The following SLCO1B3 variants were observed in gnomAD, a reference collection of about 807,000 sequenced individuals.
SLCO1B3 encodes the protein liver-specific organic anion transporter 2.
Under a neutral mutation model 71.8 loss-of-function variants are expected in SLCO1B3, and 72 were observed. The observed-to-expected ratio is 1.00, with a 90% CI of 0.83 to 1.22. SLCO1B3 has a LOEUF of 1.22. SLCO1B3 is among the 50% of genes most tolerant of loss of function. The pLI, the probability that SLCO1B3 is intolerant of heterozygous loss-of-function variation, is 0.00. For missense variants in SLCO1B3, 911 were observed against 819.7 expected (o/e 1.11, Z -1.36); for synonymous variants, 298 against 278.4 (o/e 1.07, Z -0.70).
At chr12:20,824,061 A>G (rs1333249469) in intron 3 of SLCO1B3, among the ~76,000 whole-genome samples, 1 of 152,218 alleles carries the variant, frequency 6.6e-6, no homozygotes, top group Non-Finnish European at 1.5e-5. Context: ...ATACTCTCAA[A>G]ATAGTTTTCA....
chr12:20,868,943 A>C (rs1468352792), intron 8 of SLCO1B3, among the ~76,000 whole-genome samples: 1 of 152,098 alleles, frequency 6.6e-6, no homozygotes, highest in Non-Finnish European at 1.5e-5. Flanking sequence ...AGAGACTTTT[A>C]GTACTTTCAC....
chr12:20,867,011 G>A (rs1349580893), intron 8 of SLCO1B3, among the ~76,000 whole-genome samples: 3 of 152,132 alleles, frequency 2.0e-5, no homozygotes, highest in African/African-American at 7.2e-5. Context: ...CCTGAAGACA[G>A]GAAGTACCTT....
chr12:20,830,589 G>C (rs2121128099), intron 3 of SLCO1B3, among the ~76,000 whole-genome samples: 1 of 152,222 alleles, frequency 6.6e-6, no homozygotes, highest in East Asian at 1.9e-4. Flanking sequence ...ACCTGCTTAG[G>C]AACAAAAGAA....
chr12:20,827,703 C>G (rs1232968213), intron 3 of SLCO1B3, among the ~76,000 whole-genome samples: 2 of 152,094 alleles, frequency 1.3e-5, no homozygotes, highest in African/African-American at 2.4e-5. Flanking sequence ...TCCCGAGTAG[C>G]TGGGACTGCA....
At chr12:20,847,252 GA>G (rs2121195234) in intron 3 of SLCO1B3, among the ~76,000 whole-genome samples, 1 of 152,128 alleles carries the variant, frequency 6.6e-6, no homozygotes, top group South Asian at 2.1e-4. Context: ...AAATTTATAA[GA>G]AAAGAGTTAT....
intron 3 of SLCO1B3, among the ~76,000 whole-genome samples, chr12:20,829,744 G>A (rs1864500792): frequency 1.3e-5 from 2 of 152,170 alleles, no homozygotes; most frequent in African/African-American, 4.8e-5. Context: ...GCAGCCCCGA[G>A]GGCTGCTGGT....
chr12:20,827,851 A>T (rs1030013446), intron 3 of SLCO1B3, among the ~76,000 whole-genome samples: 3 of 152,296 alleles, frequency 2.0e-5, no homozygotes, highest in Admixed American at 6.5e-5. Context: ...TACAGGTGTG[A>T]GCCACGGTGC....
intron 5 of SLCO1B3, among the ~76,000 whole-genome samples, chr12:20,859,953 C>CTTTTTT (rs768328762): frequency 1.1e-3 from 131 of 117,978 alleles, no homozygotes; most frequent in Non-Finnish European, 1.7e-3. Context: ...CTGATCATTT[C>CTTTTTT]TTTTTTTTTT....
chr12:20,914,193 G>A (rs1171344801), intron 15 of SLCO1B3, among the ~76,000 whole-genome samples: 1 of 151,912 alleles, frequency 6.6e-6, no homozygotes, highest in Non-Finnish European at 1.5e-5. Flanking sequence ...TCCTATTTTT[G>A]TATTCCACTC....
rs900958563 is a variant in SLCO1B3, at chr12:20,916,175, T to C, written c.2037T>C (p.His679=). ...TAGAATTCTTAAATAATGGTGAACA[T>C]TTTGTACCTTCTGCTGGAACAGATA... The part of the protein sequence containing the change: ...ANLEFLNNGE[H]FVPSAGTDSK... The change falls in exon 16 of 16, where the codon CAT becomes CAC. Residue 679 remains histidine (H), a synonymous_variant. Transcript: ENST00000381545. The C allele has an allele frequency of 1.2e-6, 2 of 1,612,478 alleles. No individual in the cohort carries two copies. The highest frequency in any genetic ancestry group is 2.2e-5 in the East Asian group (1 of 44,734).
At chr12:20,901,080 A>C (rs942278098) in intron 14 of SLCO1B3, among the ~76,000 whole-genome samples, 2 of 152,160 alleles carry the variant, frequency 1.3e-5, no homozygotes, top group African/African-American at 4.8e-5. Context: ...TATTGTAGGA[A>C]GAACAGAGTA....
chr12:20,901,426 A>C lies in SLCO1B3; in HGVS notation c.1824A>C (p.Gly608=). The change falls in exon 15 of 16, where the codon GGA becomes GGC. Residue 608 remains glycine (G), a synonymous_variant. Transcript: ENST00000381545. ...TCMKWSTNSC[G]AQGACRIYNS... is the part of the protein sequence containing the mutation. ...TGAAGTGGTCCACCAACAGCTGTGG[A>C]GCACAAGGGGCTTGTAGGATATATA... 6.3e-7 allele frequency: 1 copy of C among 1,578,524 alleles called. No homozygotes were observed. Among genetic ancestry groups the C allele is most frequent in the South Asian group, 1.2e-5 (1 of 82,438 alleles).
rs754862840 is a variant in SLCO1B3, at chr12:20,855,081, CATT to C, written c.141_143del (p.Ile47del). 132 of 1,611,546 alleles carry C rather than the reference CATT, an allele frequency of 8.2e-5. No individual in the cohort carries two copies. Among genetic ancestry groups the C allele is most frequent in the Middle Eastern group, 2.0e-4 (1 of 5,096 alleles). On this transcript the variant is annotated inframe_deletion, in exon 4 of 16. Coordinates refer to ENST00000381545, the MANE Select transcript of SLCO1B3 (RefSeq NM_019844.4). ...ATATTGCTAAAGCACTAGGTGGAAT[CATT>C]ATGAAAATTTCCATCACTCAAATAG...
At chr12:20,841,818 A>G (rs1864810135) in intron 3 of SLCO1B3, among the ~76,000 whole-genome samples, 1 of 150,904 alleles carries the variant, frequency 6.6e-6, no homozygotes, top group African/African-American at 2.4e-5. Flanking sequence ...CGAATATATC[A>G]TCAGTTTTTG....
chr12:20,818,984 G>A (rs532200618), intron 3 of SLCO1B3, among the ~76,000 whole-genome samples: 78 of 150,186 alleles, frequency 5.2e-4, no homozygotes, highest in South Asian at 1.3e-3. Context: ...AAGTATATGC[G>A]TCAGGTATGA....
chr12:20,902,108 A>T (rs1866143736), intron 15 of SLCO1B3: 1 of 236,790 alleles, frequency 4.2e-6, no homozygotes, highest in African/African-American at 2.4e-5. Context: ...ATGTGTTTGT[A>T]AGTATGACCC....
At chr12:20,915,938 G>T (rs1351309526) in intron 15 of SLCO1B3, 66 bp from the exon 16 acceptor site, 16 of 1,307,610 alleles carry the variant, frequency 1.2e-5, no homozygotes, top group African/African-American at 4.5e-5. Flanking sequence ...ATACTGGGGA[G>T]AAAAAAATGT....
At chr12:20,829,392 T>C (rs1864493176) in intron 3 of SLCO1B3, among the ~76,000 whole-genome samples, 1 of 152,194 alleles carries the variant, frequency 6.6e-6, no homozygotes, top group Non-Finnish European at 1.5e-5. Context: ...GGGCTGAAAC[T>C]TCAGAAAGGA....
chr12:20,828,240 A>C (rs201071326), intron 3 of SLCO1B3, among the ~76,000 whole-genome samples: 22,702 of 151,530 alleles, frequency 0.15, 1,895 homozygotes, highest in African/African-American at 0.23. Context: ...CTAAGTGTCT[A>C]AACCACACCC....
Sources: allele counts gnomAD v4.1 joint callset (sites outside exome capture counted in the v4.1 genomes callset), GRCh38; gene constraint gnomAD v4.1.1; transcripts MANE v1.5; gene names NCBI Gene and HGNC (gene_info 2026-07-23, HGNC 2026-07-21).